Variants in ADAMTS19 observed in about 807,000 individuals in gnomAD.
ADAMTS19 encodes A disintegrin and metalloproteinase with thrombospondin motifs 19.
Under a neutral mutation model 153.3 loss-of-function variants are expected in ADAMTS19, and 93 were observed. That is an observed-to-expected ratio of 0.61 (90% CI 0.51 to 0.72). The LOEUF (loss-of-function observed/expected upper bound fraction) is 0.72. ADAMTS19 is among the 30% of genes least tolerant of loss of function. The pLI is 0.00. For synonymous variants in ADAMTS19, 600 were observed against 556.6 expected, an observed-to-expected ratio of 1.08 and a Z score of -1.10; for missense variants, 1,482 against 1,552.1, an observed-to-expected ratio of 0.95 and a Z score of 0.76.
At chr5:129,535,179 C>T (rs1752368867) in intron 6 of ADAMTS19, among the ~76,000 whole-genome samples, 1 of 152,138 alleles carries the variant, frequency 6.6e-6, no homozygotes, top group Non-Finnish European at 1.5e-5. Context: ...CATCTCAGCC[C>T]AAAATCTCCT....
At chr5:129,563,460 C>A (rs1180038736) in intron 7 of ADAMTS19, among the ~76,000 whole-genome samples, 2 of 152,022 alleles carry the variant, frequency 1.3e-5, no homozygotes, top group Non-Finnish European at 2.9e-5. Context: ...ATTAAGTATT[C>A]AAGGGAGTTC....
chr5:129,713,155 C>G (rs1323478861), intron 21 of ADAMTS19, among the ~76,000 whole-genome samples: 1 of 152,196 alleles, frequency 6.6e-6, no homozygotes, highest in African/African-American at 2.4e-5. Context: ...ATGGAGCATA[C>G]ATGCTAAATC....
chr5:129,551,494 T>C (rs1420189270), intron 6 of ADAMTS19, among the ~76,000 whole-genome samples: 1 of 151,716 alleles, frequency 6.6e-6, no homozygotes, highest in East Asian at 1.9e-4. Context: ...GAAATAATTT[T>C]TGTGTTACAT....
chr5:129,600,964 G>A (rs1385188722), intron 8 of ADAMTS19, among the ~76,000 whole-genome samples: 2 of 152,010 alleles, frequency 1.3e-5, no homozygotes, highest in East Asian at 3.9e-4. Context: ...TCCACCTTCC[G>A]GGTTCAAGCG....
At chr5:129,637,525 T>C (rs1345581513) in intron 10 of ADAMTS19, among the ~76,000 whole-genome samples, 1 of 152,162 alleles carries the variant, frequency 6.6e-6, no homozygotes, top group Non-Finnish European at 1.5e-5. Flanking sequence ...TAGGCTATTA[T>C]CCTCAGCAAA....
chr5:129,613,329 A>T (rs1482384643), intron 8 of ADAMTS19, among the ~76,000 whole-genome samples: 1 of 152,174 alleles, frequency 6.6e-6, no homozygotes, highest in Non-Finnish European at 1.5e-5. Flanking sequence ...AATTATAACA[A>T]ACTGTCTCTC....
chr5:129,710,413 A>T (rs938078778), intron 21 of ADAMTS19, among the ~76,000 whole-genome samples: 2 of 152,196 alleles, frequency 1.3e-5, no homozygotes, highest in East Asian at 3.8e-4. Context: ...TGCTATTGTG[A>T]ATAGTGCTGA....
intron 13 of ADAMTS19, among the ~76,000 whole-genome samples, chr5:129,651,193 T>C (rs1405999160): frequency 6.6e-6 from 1 of 152,218 alleles, no homozygotes; most frequent in African/African-American, 2.4e-5. Flanking sequence ...AATATGCAAA[T>C]AATACATGAG....
chr5:129,654,950 C>CATGT (rs1753481063), intron 14 of ADAMTS19, among the ~76,000 whole-genome samples: 1 of 151,998 alleles, frequency 6.6e-6, no homozygotes, highest in Non-Finnish European at 1.5e-5. Context: ...CATTTATATG[C>CATGT]ATGTATGTGC....
intron 11 of ADAMTS19, among the ~76,000 whole-genome samples, chr5:129,647,016 T>A (rs1753092081): frequency 6.6e-6 from 1 of 151,934 alleles, no homozygotes; most frequent in Non-Finnish European, 1.5e-5. Context: ...TTTCAGTGAA[T>A]GAAAAAATAA....
intron 7 of ADAMTS19, among the ~76,000 whole-genome samples, chr5:129,562,097 G>A (rs1581087685): frequency 6.6e-6 from 1 of 152,074 alleles, no homozygotes; most frequent in East Asian, 1.9e-4. Flanking sequence ...TTCCAAGTCT[G>A]AATACTGTTT....
rs1442603679 is a variant in ADAMTS19, at chr5:129,720,169, TA to T, written c.3313-14762del. Among the ~76,000 whole-genome samples the T allele has an allele frequency of 8.1e-3, 1,061 of 130,918 alleles. 6 individuals are homozygous for T. Among genetic ancestry groups the T allele is most frequent in the Non-Finnish European group, 0.012 (752 of 60,914 alleles). 85.9% of individuals were successfully genotyped at this position (130,918 alleles called of 152,430 possible). ...GTATGTATATATATATATATATATATATTTATTTTTTTTTTTTTTGGAGACA... is the reference window on the plus strand; with the variant it reads ...GTATGTATATATATATATATATATATTTTATTTTTTTTTTTTTTGGAGACA... On this transcript the variant is annotated intron_variant, in intron 21 of 22. Coordinates refer to ENST00000274487, the MANE Select transcript of ADAMTS19 (RefSeq NM_133638.6).
At chr5:129,590,925 A>G (rs899489138) in intron 7 of ADAMTS19, among the ~76,000 whole-genome samples, 4 of 152,190 alleles carry the variant, frequency 2.6e-5, no homozygotes, top group African/African-American at 9.7e-5. Context: ...GTTTCAGACA[A>G]TTTCACCTGT....
intron 3 of ADAMTS19, among the ~76,000 whole-genome samples, chr5:129,525,717 G>A (rs1033999863): frequency 6.6e-6 from 1 of 151,748 alleles, no homozygotes; most frequent in African/African-American, 2.4e-5. Context: ...GCTCTGATTT[G>A]GCTTCATTTG....
At chr5:129,636,328 T>C (rs1752532335) in intron 10 of ADAMTS19, among the ~76,000 whole-genome samples, 1 of 152,246 alleles carries the variant, frequency 6.6e-6, no homozygotes, top group African/African-American at 2.4e-5. Context: ...GAGAAATTAA[T>C]CCACCATTCC....
chr5:129,679,301 G>T (rs1440131836), intron 16 of ADAMTS19, among the ~76,000 whole-genome samples: 2 of 152,126 alleles, frequency 1.3e-5, no homozygotes, highest in African/African-American at 2.4e-5. Flanking sequence ...ATTTTGATCA[G>T]TTAATTAATG....
At chr5:129,735,760 T>C (rs970767959) in intron 22 of ADAMTS19, among the ~76,000 whole-genome samples, 2 of 152,018 alleles carry the variant, frequency 1.3e-5, no homozygotes, top group Non-Finnish European at 2.9e-5. Context: ...CTACATATTT[T>C]AAGTAGATAT....
chr5:129,471,729 C>T (rs1045479777), intron 2 of ADAMTS19, among the ~76,000 whole-genome samples: 1 of 152,128 alleles, frequency 6.6e-6, no homozygotes, highest in Admixed American at 6.5e-5. Flanking sequence ...TAGTAGGCCC[C>T]AGAGTCTGTA....
intron 7 of ADAMTS19, among the ~76,000 whole-genome samples, chr5:129,577,480 G>A (rs576073657): frequency 4.6e-5 from 7 of 152,092 alleles, no homozygotes; most frequent in Non-Finnish European, 1.0e-4. Context: ...TTCCAGGGGA[G>A]AAGGAAATTT....
Sources: allele counts gnomAD v4.1 joint callset (sites outside exome capture counted in the v4.1 genomes callset), GRCh38; gene constraint gnomAD v4.1.1; transcripts MANE v1.5; gene names NCBI Gene and HGNC (gene_info 2026-07-23, HGNC 2026-07-21).